FN1: variants seen among roughly 807,000 people sequenced by gnomAD.
The protein encoded by FN1 is fibronectin.
In FN1, 106 loss-of-function variants were observed where a neutral mutation model predicts 297.3. The ratio of observed to expected loss-of-function variants is 0.36; its 90% CI spans 0.30 to 0.42. The LOEUF is 0.42. Among genes scored for constraint, FN1 ranks in the 10% least tolerant of loss-of-function variants. FN1 has a pLI of 1.00. For synonymous variants in FN1, 1,149 were observed against 1,152.6 expected, an observed-to-expected ratio of 1.00 and a Z score of 0.06; for missense variants, 2,690 against 3,124.9, an observed-to-expected ratio of 0.86 and a Z score of 3.32.
chr2:215,371,443 A>G (rs778216416), intron 40 of FN1, among the ~76,000 whole-genome samples: 5 of 146,592 alleles, frequency 3.4e-5, no homozygotes, highest in Non-Finnish European at 7.5e-5. Context: ...AGACTTCTGC[A>G]CACAAATGGA....
chr2:215,393,326 G>T (rs1575497458), intron 24 of FN1, 123 bp from the exon 25 acceptor site: 1 of 876,076 alleles, frequency 1.1e-6, no homozygotes, highest in Non-Finnish European at 1.7e-6. Context: ...TTAAAGCAAT[G>T]ATGGTAATAT....
At chr2:215,392,031 A>G in intron 25 of FN1, 2 of 541,336 alleles carry the variant, frequency 3.7e-6, no homozygotes, top group East Asian at 3.2e-5. Flanking sequence ...CCTTTTTGCC[A>G]TCATTGATAT....
At chr2:215,364,211 T>G (rs922771635) in intron 44 of FN1, among the ~76,000 whole-genome samples, 1 of 152,244 alleles carries the variant, frequency 6.6e-6, no homozygotes, top group Admixed American at 6.5e-5. Flanking sequence ...CTGTTTTTCC[T>G]ATACTACTTA....
At chr2:215,365,293 G>C (rs1559312617) in intron 43 of FN1, among the ~76,000 whole-genome samples, 1 of 152,058 alleles carries the variant, frequency 6.6e-6, no homozygotes, top group Non-Finnish European at 1.5e-5. Flanking sequence ...TACTCAGGTT[G>C]GACAAGTGCT....
Position 215,388,275 on chromosome 2 carries a change from C to G in FN1, c.4279G>C (p.Val1427Leu), listed in dbSNP as rs910585872. The change falls in exon 27 of 46, where the codon GTG becomes CTG. Residue 1427 changes from valine (V) to leucine (L), a missense_variant. Val to Leu is a conservative substitution (Grantham distance 32, BLOSUM62 1). Around this residue, in one of 3 missense-constraint regions of FN1, gnomAD observed 1,743 missense variants for 1,945.2 expected, o/e 0.90. Coordinates refer to ENST00000354785, the MANE Select transcript of FN1 (RefSeq NM_212482.4). ...TGTTCGTAGACACTGGAGACACTCA[C>G]TACATATTCTGTACCAGGCAGGAGA... is the stretch of plus-strand genomic sequence containing the variant. Reference protein sequence around the residue: ...TNLLPGTEYVVSVSSVYEQHE... With the variant: ...TNLLPGTEYVLSVSSVYEQHE... 1 of 1,613,788 alleles carries G rather than the reference C, an allele frequency of 6.2e-7. No individual in the cohort carries two copies.
chr2:215,376,011 T>C (rs942764362), intron 36 of FN1, among the ~76,000 whole-genome samples: 2 of 152,204 alleles, frequency 1.3e-5, no homozygotes, highest in South Asian at 2.1e-4. Flanking sequence ...CAGCCACTTA[T>C]TGAGGTTTTC....
At position 215,362,134 on chromosome 2, in the gene FN1, G is replaced by A. The variant is rs531653996; in HGVS notation, c.7252-55C>T. 1.4e-5 allele frequency: 18 copies of A among 1,323,236 alleles called. No homozygotes were observed. The South Asian group carries it at 1.7e-4, about 12-fold the overall frequency. The allele number at this position is 1,323,236 out of a possible 1,614,324, so 82.0% of individuals were successfully genotyped here. The stretch of plus-strand genomic sequence containing the variant: ...GGGTTTATGATAACCTGAGGACATC[G>A]TAATTTAGTGTTTGAGTTAAAGAAA... On this transcript the variant is annotated intron_variant, in intron 44 of 45. Transcript: ENST00000354785.
At chr2:215,383,946 T>A in intron 30 of FN1, 74 bp downstream of exon 30, 1 of 1,524,690 alleles carries the variant, frequency 6.6e-7, no homozygotes, top group Non-Finnish European at 9.1e-7. Flanking sequence ...ATTAGAAAAA[T>A]ACCTTGGGAG....
At chr2:215,380,466 G>A (rs1034346911) in intron 33 of FN1, 3 of 300,630 alleles carry the variant, frequency 1.0e-5, no homozygotes, top group African/African-American at 6.5e-5. Flanking sequence ...CTTTTTATAA[G>A]TAAGCTCTGT....
Position 215,381,006 on chromosome 2 carries a change from G to T in FN1, c.5239C>A (p.Gln1747Lys). ...DSIKIAWESP[Q>K]GQVSRYRVTY... ...ACCCTGTACCTGGAAACTTGCCCCT[G>T]TGGGCTTTCCCAAGCAATTTTGATG... Residue 1747 changes from glutamine (Q) to lysine (K), a missense_variant, in exon 33 of 46, where the codon CAG becomes AAG. By Grantham distance (53) the Gln-to-Lys change is moderately conservative (BLOSUM62 1). Transcript: ENST00000354785. 2 of 1,614,222 alleles carry T rather than the reference G, an allele frequency of 1.2e-6. No homozygotes were observed. The highest frequency in any genetic ancestry group is 1.3e-5 in the African/African-American group (1 of 75,072).
Position 215,436,028 on chromosome 2 carries a change from G to T in FN1, c.-226C>A. 1.0e-6 allele frequency: 1 copy of T among 962,174 alleles called. No homozygotes were observed. The highest frequency in any genetic ancestry group is 1.5e-6 in the Non-Finnish European group (1 of 677,210). The allele number at this position is 962,174 out of a possible 1,614,324, so 59.6% of individuals were successfully genotyped here. On this transcript the variant is annotated 5_prime_UTR_variant, in exon 1 of 46. Transcript: ENST00000354785. ...GTCCCCTCTTCCCGCTCGCGCCTGG[G>T]GTTCCCTCTCCTCCCCCTGTGCAGC... is the stretch of plus-strand genomic sequence containing the variant.
chr2:215,395,355 C>T (rs1026290915), intron 23 of FN1, among the ~76,000 whole-genome samples: 58 of 151,918 alleles, frequency 3.8e-4, no homozygotes, highest in African/African-American at 1.3e-3. Context: ...CTGGCCAACA[C>T]GGTAAAACCC....
rs774390890 is a variant in FN1, at chr2:215,423,511, C to T, written c.1232G>A (p.Arg411Gln). The T allele has an allele frequency of 1.2e-5, 19 of 1,613,970 alleles. No homozygotes were observed. Among genetic ancestry groups the T allele is most frequent in the Non-Finnish European group, 1.4e-5 (16 of 1,180,010 alleles). Residue 411 changes from arginine to glutamine, a missense_variant, in exon 9 of 46, where the codon CGA (arginine) becomes CAA (glutamine). Coordinates refer to ENST00000354785, the MANE Select transcript of FN1 (RefSeq NM_212482.4). ...CTDHTVLVQTRGGNSNGALCH... is the reference protein window; with the variant it reads ...CTDHTVLVQTQGGNSNGALCH... Reference sequence around the variant, plus strand: ...CAAGGCACCATTGGAATTTCCTCCTCGAGTCTGAACCAAAACTGCCAGGAA... The same window carrying T: ...CAAGGCACCATTGGAATTTCCTCCTTGAGTCTGAACCAAAACTGCCAGGAA...
intron 35 of FN1, among the ~76,000 whole-genome samples, chr2:215,377,800 T>C (rs2057577617): frequency 6.6e-6 from 1 of 152,190 alleles, no homozygotes; most frequent in African/African-American, 2.4e-5. Context: ...TCAGTCATAG[T>C]CCATAATATC....
chr2:215,414,828 G>GCA lies in FN1; in HGVS notation c.1941+8_1941+9insTG. The GCA allele has an allele frequency of 6.2e-7, 1 of 1,613,558 alleles. No individual in the cohort carries two copies. The highest frequency in any genetic ancestry group is 8.5e-7 in the Non-Finnish European group (1 of 1,179,680). On this transcript the variant is annotated intron_variant, in intron 13 of 45. Transcript: ENST00000354785. ...CTCAGTATCCAAGGTTTCTGGGTGGGATACTCACAGGTCTCCACCTGAGAA... is the reference window on the plus strand; with the variant it reads ...CTCAGTATCCAAGGTTTCTGGGTGGGCAATACTCACAGGTCTCCACCTGAGAA...
Position 215,394,553 on chromosome 2 carries a change from G to A in FN1, c.3771C>T (p.Val1257=). 1 of 1,613,886 alleles carries A rather than the reference G, an allele frequency of 6.2e-7. No individual in the cohort carries two copies. The highest frequency in any genetic ancestry group is 8.5e-7 in the Non-Finnish European group (1 of 1,179,872). The change falls in exon 24 of 46, where the codon GTC becomes GTT. Residue 1257 remains valine, a synonymous_variant. Coordinates refer to ENST00000354785, the MANE Select transcript of FN1 (RefSeq NM_212482.4). ...CTGGGATGATGGTATCAGAGATAGG[G>A]ACACTTTCCTTGTCATCCTTGACAG... is the stretch of plus-strand genomic sequence containing the variant. ...VYTVKDDKES[V]PISDTIIPEV... is the part of the protein sequence containing the mutation.
intron 34 of FN1, among the ~76,000 whole-genome samples, chr2:215,378,601 A>G (rs2057723917): frequency 6.6e-6 from 1 of 152,136 alleles, no homozygotes; most frequent in African/African-American, 2.4e-5. Context: ...TATCATAGAG[A>G]GGCAAAGAGA....
intron 14 of FN1, 87 bp downstream of exon 14, chr2:215,409,847 A>G: frequency 6.3e-7 from 1 of 1,594,192 alleles, no homozygotes; most frequent in Non-Finnish European, 8.6e-7. Flanking sequence ...CTGGAAGAAT[A>G]TGAATTGAGA....
At position 215,435,813 on chromosome 2, in the gene FN1, T is replaced by C; in HGVS notation, c.-11A>G. 1 of 1,537,344 alleles carries C rather than the reference T, an allele frequency of 6.5e-7. No homozygotes were observed. The highest frequency in any genetic ancestry group is 8.7e-7 in the Non-Finnish European group (1 of 1,144,288). ...CGGACCCCTAAGCATGTTGAGACGG[T>C]GGGGGAGAGACGCCCGCACCGGGAG... is the stretch of plus-strand genomic sequence containing the variant. On this transcript the variant is annotated 5_prime_UTR_variant, in exon 1 of 46. Coordinates refer to ENST00000354785, the MANE Select transcript of FN1 (RefSeq NM_212482.4).
Sources: gnomAD v4.1 joint callset for allele counts (sites outside exome capture counted in the v4.1 genomes callset) on GRCh38, gnomAD v4.1.1 for gene constraint, gnomAD v4.1.1 regional missense constraint, MANE v1.5 for transcripts, NCBI Gene and HGNC (gene_info 2026-07-23, HGNC 2026-07-21) for gene names.